Variants in GNB5 observed in about 807,000 individuals in gnomAD.
GNB5 encodes the protein G protein subunit beta 5.
GNB5 carries 37 observed loss-of-function variants against 55.3 expected under a neutral mutation model. The observed-to-expected ratio is 0.67, with a 90% CI of 0.51 to 0.88. The LOEUF is 0.88. Among genes scored for constraint, GNB5 ranks in the 40% least tolerant of loss-of-function variants. GNB5 has a pLI of 0.00. For synonymous variants in GNB5, 219 were observed against 198.5 expected (o/e 1.10, Z -0.87); for missense variants, 476 against 515.3 (o/e 0.92, Z 0.74).
chr15:52,156,667 T>C (rs1234497079), intron 3 of GNB5, among the ~76,000 whole-genome samples: 1 of 152,064 alleles, frequency 6.6e-6, no homozygotes, highest in Middle Eastern at 3.2e-3. Flanking sequence ...GGGGCAAAGG[T>C]CGCAGTGGGC....
At chr15:52,135,105 C>T (rs2033670531) in intron 8 of GNB5, among the ~76,000 whole-genome samples, 1 of 151,884 alleles carries the variant, frequency 6.6e-6, no homozygotes, top group Admixed American at 6.6e-5. Context: ...TTTCTTGCAC[C>T]CTGTGATGGG....
In GNB5 at chr15:52,125,958, GA is replaced by G. The variant is rs1392151279; in HGVS notation, c.998del (p.Phe333SerfsTer88). ...SIIFGASSVD[F>X]SLSGRLLFAG... ...GAAATAAAATCTTACCACTGAGGGA[GA>G]AGTCCACGCTGGATGCTCCAAATAT... is the stretch of plus-strand genomic sequence containing the variant. On this transcript the variant is annotated frameshift_variant, in exon 11 of 13. Transcript: ENST00000261837. LOFTEE classifies it high-confidence loss of function. 6.9e-7 allele frequency: 1 copy of G among 1,440,654 alleles called. No individual in the cohort carries two copies. The highest frequency in any genetic ancestry group is 1.7e-5 in the Admixed American group (1 of 57,740). The allele number at this position is 1,440,654 out of a possible 1,614,324, so 89.2% of individuals were successfully genotyped here. A position where few individuals can be genotyped will look rare whatever the true frequency, so the allele number is the denominator to read the frequency against.
At chr15:52,163,667 T>C (rs2034389443) in intron 3 of GNB5, among the ~76,000 whole-genome samples, 1 of 151,804 alleles carries the variant, frequency 6.6e-6, no homozygotes, top group South Asian at 2.1e-4. Flanking sequence ...CTCTGGAGAG[T>C]CTGGGTGGTC....
intron 2 of GNB5, chr15:52,180,644 G>T (rs935129199): frequency 6.6e-6 from 1 of 152,156 alleles, no homozygotes; most frequent in Non-Finnish European, 1.5e-5. Flanking sequence ...CCCACGCCCA[G>T]GCATCTCGGA....
At chr15:52,137,157 T>C (rs2033744312) in intron 7 of GNB5, 2 of 853,378 alleles carry the variant, frequency 2.3e-6, no homozygotes, top group African/African-American at 3.6e-5. Context: ...TTCTGCCAAG[T>C]GGAGGTTCTC....
At chr15:52,125,797 G>A in intron 11 of GNB5, 151 bp downstream of exon 11, 1 of 601,354 alleles carries the variant, frequency 1.7e-6, no homozygotes. Flanking sequence ...CAGAAGCTCA[G>A]AGGAGGAAAA....
In GNB5 at chr15:52,119,046, A is replaced by C. The variant is rs1596044050; in HGVS notation, c.*3711T>G. On this transcript the variant is annotated 3_prime_UTR_variant, in exon 13 of 13. Coordinates refer to ENST00000261837, the MANE Select transcript of GNB5 (RefSeq NM_016194.4). ...AAGAGCTGGGGGAAGGGGAATGGGG[A>C]GGAGATGGGGAGAAAAGGAAGTGCT... 1 of 105,994 alleles carries C rather than the reference A, an allele frequency of 9.4e-6. No homozygotes were observed. The highest frequency in any genetic ancestry group is 1.9e-5 in the Non-Finnish European group (1 of 53,324). 6.6% of individuals were successfully genotyped at this position (105,994 alleles called of 1,614,324 possible).
In GNB5 at chr15:52,120,190, A is replaced by G. The variant is rs1363317884; in HGVS notation, c.*2567T>C. ...CCATCTGTTTGGCCCCTTCACCACA[A>G]TTGGTTTGGTAGGTTTATCCCCAAG... On this transcript the variant is annotated 3_prime_UTR_variant, in exon 13 of 13. Transcript: ENST00000261837. 2.0e-5 allele frequency: 3 copies of G among 152,184 alleles called. No homozygotes were observed. Among genetic ancestry groups the G allele is most frequent in the African/African-American group, 4.8e-5 (2 of 41,434 alleles). 9.4% of individuals were successfully genotyped at this position (152,184 alleles called of 1,614,324 possible). A position where few individuals can be genotyped will look rare whatever the true frequency, so the allele number is the denominator to read the frequency against.
intron 4 of GNB5, among the ~76,000 whole-genome samples, chr15:52,152,550 C>G (rs2141213537): frequency 6.6e-6 from 1 of 151,942 alleles, no homozygotes. Flanking sequence ...GTCTTGAACT[C>G]CTGACCTCAG....
Position 52,121,814 on chromosome 15 carries a change from G to C in GNB5, c.*943C>G, listed in dbSNP as rs1033850765. The C allele has an allele frequency of 6.6e-6, 1 of 151,948 alleles. No individual in the cohort carries two copies. Among genetic ancestry groups the C allele is most frequent in the Non-Finnish European group, 1.5e-5 (1 of 67,978 alleles). 9.4% of individuals were successfully genotyped at this position (151,948 alleles called of 1,614,324 possible). A position where few individuals can be genotyped will look rare whatever the true frequency, so the allele number is the denominator to read the frequency against. ...AGAGACAGGGTTTCACCGTGGTCTCGAACTCCTGACCTCGTGATCCGCCCG... is the reference window on the plus strand; with the variant it reads ...AGAGACAGGGTTTCACCGTGGTCTCCAACTCCTGACCTCGTGATCCGCCCG... On this transcript the variant is annotated 3_prime_UTR_variant, in exon 13 of 13. Coordinates refer to ENST00000261837, the MANE Select transcript of GNB5 (RefSeq NM_016194.4).
chr15:52,133,756 C>A (rs571466491), intron 8 of GNB5, among the ~76,000 whole-genome samples: 3 of 152,352 alleles, frequency 2.0e-5, no homozygotes, highest in South Asian at 2.1e-4. Context: ...CCTCCTTACC[C>A]TCCCCCGGGC....
In GNB5 at chr15:52,118,851, C is replaced by T. The variant is rs1278355665; in HGVS notation, c.*3906G>A. ...CGCCACTGCACTCCAGCCTGGGCAA[C>T]AAGAGCAAAACTCCACGTAAAAAAA... On this transcript the variant is annotated 3_prime_UTR_variant, in exon 13 of 13. Transcript: ENST00000261837. 1.0e-5 allele frequency: 1 copy of T among 95,608 alleles called. No homozygotes were observed. The highest frequency in any genetic ancestry group is 1.9e-5 in the Non-Finnish European group (1 of 52,456). The allele number at this position is 95,608 out of a possible 1,614,324, so 5.9% of individuals were successfully genotyped here.
At chr15:52,163,595 A>G (rs1207943968) in intron 3 of GNB5, among the ~76,000 whole-genome samples, 1 of 152,184 alleles carries the variant, frequency 6.6e-6, no homozygotes, top group Non-Finnish European at 1.5e-5. Context: ...AATTCCCCAC[A>G]GCGCAGCACA....
intron 10 of GNB5, among the ~76,000 whole-genome samples, chr15:52,126,986 G>A (rs1002078043): frequency 1.3e-5 from 2 of 151,990 alleles, no homozygotes; most frequent in African/African-American, 4.8e-5. Context: ...TAGTAGAGAT[G>A]GGGTTTCACC....
At chr15:52,156,900 C>T (rs1006615369) in intron 3 of GNB5, among the ~76,000 whole-genome samples, 5 of 151,806 alleles carry the variant, frequency 3.3e-5, no homozygotes, top group East Asian at 1.9e-4. Flanking sequence ...CAAAATACAT[C>T]GAATGAAGTT....
At chr15:52,139,826 C>A in intron 7 of GNB5, 1 of 1,264,564 alleles carries the variant, frequency 7.9e-7, no homozygotes, top group Non-Finnish European at 1.0e-6. Context: ...CTGGTGCCCC[C>A]TTTCATCCCC....
At chr15:52,128,712 A>G (rs2033493980) in intron 9 of GNB5, 2 of 460,302 alleles carry the variant, frequency 4.3e-6, no homozygotes, top group South Asian at 1.5e-5. Flanking sequence ...AGTGAGAGTA[A>G]TAATGCATAT....
chr15:52,141,926 T>C (rs2033865404), intron 6 of GNB5, among the ~76,000 whole-genome samples: 1 of 152,172 alleles, frequency 6.6e-6, no homozygotes, highest in Non-Finnish European at 1.5e-5. Context: ...ACATATTGCA[T>C]TCATTTGTTA....
chr15:52,168,758 G>A (rs2141229735), intron 3 of GNB5, among the ~76,000 whole-genome samples: 1 of 152,138 alleles, frequency 6.6e-6, no homozygotes, highest in East Asian at 1.9e-4. Flanking sequence ...CTGGGTACTG[G>A]TACAAAAACA....
Sources: gnomAD v4.1 joint callset for allele counts (sites outside exome capture counted in the v4.1 genomes callset) on GRCh38, gnomAD v4.1.1 for gene constraint, MANE v1.5 for transcripts, NCBI Gene and HGNC (gene_info 2026-07-23, HGNC 2026-07-21) for gene names.